PRKN: variants seen among roughly 807,000 people sequenced by gnomAD.
PRKN encodes parkin RBR E3 ubiquitin protein ligase, also known as E3 ubiquitin-protein ligase parkin.
In PRKN, 56 loss-of-function variants were observed where a neutral mutation model predicts 59.5. That is an observed-to-expected ratio of 0.94 (90% CI 0.76 to 1.18). The LOEUF (loss-of-function observed/expected upper bound fraction) is 1.18. Among genes scored for constraint, PRKN ranks in the 50% most tolerant of loss-of-function variants. PRKN has a pLI of 0.00. For synonymous variants in PRKN, 250 were observed against 222.1 expected, an observed-to-expected ratio of 1.13 and a Z score of -1.12; for missense variants, 657 against 596.4, an observed-to-expected ratio of 1.10 and a Z score of -1.06.
At chr6:161,577,002 A>G (rs1045633265) in intron 7 of PRKN, among the ~76,000 whole-genome samples, 1 of 152,252 alleles carries the variant, frequency 6.6e-6, no homozygotes, top group African/African-American at 2.4e-5. Context: ...TAATGCCTGC[A>G]AATGATAAAC....
At chr6:161,826,956 T>C (rs1336230883) in intron 6 of PRKN, among the ~76,000 whole-genome samples, 1 of 152,184 alleles carries the variant, frequency 6.6e-6, no homozygotes, top group African/African-American at 2.4e-5. Flanking sequence ...CTCAATAAGA[T>C]GACACAGCAC....
At position 161,518,196 on chromosome 6, in the gene PRKN, G is replaced by A. The variant is rs982441880; in HGVS notation, c.1083+30658C>T. On this transcript the variant is annotated intron_variant, in intron 9 of 11. Transcript: ENST00000366898. This position sits in a 1 kb window ranked among gnomAD's most constrained non-coding sequence, Gnocchi z 5.0. Reference sequence around the variant, plus strand: ...GACAGTGACTCCACACCATGGGGCCGGGGAGGTGGCAACATAGGTGCATGA... The same window carrying A: ...GACAGTGACTCCACACCATGGGGCCAGGGAGGTGGCAACATAGGTGCATGA... 1.3e-5 allele frequency among the ~76,000 whole-genome samples: 2 copies of A among 152,318 alleles called. No individual in the cohort carries two copies. Among genetic ancestry groups the A allele is most frequent in the East Asian group, 1.9e-4 (1 of 5,170 alleles).
At position 162,346,064 on chromosome 6, in the gene PRKN, T is replaced by C. The variant is rs543168181; in HGVS notation, c.172-83299A>G. 3.5e-4 allele frequency among the ~76,000 whole-genome samples: 53 copies of C among 152,246 alleles called. No individual in the cohort carries two copies. The South Asian group carries it at 7.7e-3, about 22-fold the overall frequency. On this transcript the variant is annotated intron_variant, in intron 2 of 11. Coordinates refer to ENST00000366898, the MANE Select transcript of PRKN (RefSeq NM_004562.3). ...GGAGAAAGGTCCTGACCAGATACCA[T>C]TGCCACGTTCTAGGACATTCCAGCC...
At chr6:161,523,381 T>C (rs1216156330) in intron 9 of PRKN, among the ~76,000 whole-genome samples, 5 of 152,216 alleles carry the variant, frequency 3.3e-5, no homozygotes, top group African/African-American at 1.2e-4. Flanking sequence ...GAATAAAATA[T>C]GTTCACATGT....
intron 2 of PRKN, among the ~76,000 whole-genome samples, chr6:162,397,601 G>A (rs149158329): frequency 9.2e-4 from 140 of 152,160 alleles, no homozygotes; most frequent in South Asian, 6.8e-3. Flanking sequence ...AAAGCTAAAC[G>A]CTCCAATCCA....
intron 1 of PRKN, among the ~76,000 whole-genome samples, chr6:162,684,346 T>C (rs949018558): frequency 6.6e-6 from 1 of 152,148 alleles, no homozygotes; most frequent in Non-Finnish European, 1.5e-5. Context: ...AAGATGTAAG[T>C]TGCACTTAAA....
rs1382685267 is a variant in PRKN at position 161,432,600 on chromosome 6, T to A, written c.1084-45723A>T. On this transcript the variant is annotated intron_variant, in intron 9 of 11. Coordinates refer to ENST00000366898, the MANE Select transcript of PRKN (RefSeq NM_004562.3). ...TTTCACCATGTTGGCCAGGCTGGTC[T>A]CTAACTCCTGACCTCCAGCAATCTG... Among the ~76,000 whole-genome samples, 3 of 150,500 alleles carry A rather than the reference T, an allele frequency of 2.0e-5. No homozygotes were observed. In the East Asian group the frequency reaches 5.8e-4, roughly 29 times the overall value.
At position 161,533,822 on chromosome 6, in the gene PRKN, G is replaced by A. The variant is rs34703849; in HGVS notation, c.1083+15032C>T. Among the ~76,000 whole-genome samples, 24,233 of 151,624 alleles carry A rather than the reference G, an allele frequency of 0.16. 2,343 individuals carry two copies. The highest frequency in any genetic ancestry group is 0.29 in the Middle Eastern group (84 of 294). Reference sequence around the variant, plus strand: ...ACGTGTCTGTGTACTTAATTTTCTTGGCGTGAGATAAGGAACCCTGGGGAT... The same window carrying A: ...ACGTGTCTGTGTACTTAATTTTCTTAGCGTGAGATAAGGAACCCTGGGGAT... On this transcript the variant is annotated intron_variant, in intron 9 of 11. Coordinates refer to ENST00000366898, the MANE Select transcript of PRKN (RefSeq NM_004562.3). This position sits in a 1 kb window ranked among gnomAD's most constrained non-coding sequence, Gnocchi z 4.1.
Position 162,719,843 on chromosome 6 carries a change from G to A in PRKN, c.7+7819C>T, listed in dbSNP as rs181190549. On this transcript the variant is annotated intron_variant, in intron 1 of 11. Coordinates refer to ENST00000366898, the MANE Select transcript of PRKN (RefSeq NM_004562.3). Reference sequence around the variant, plus strand: ...CCAGCTTCTGAGAAAATCAAGGAATGTGGGTAAGAAAAAAATGAGGGGACA... The same window carrying A: ...CCAGCTTCTGAGAAAATCAAGGAATATGGGTAAGAAAAAAATGAGGGGACA... Among the ~76,000 whole-genome samples the A allele has an allele frequency of 8.6e-5, 13 of 150,920 alleles. No individual in the cohort carries two copies. In the East Asian group the frequency reaches 2.3e-3, roughly 27 times the overall value.
In PRKN at chr6:161,581,655, T is replaced by G. The variant is rs945748205; in HGVS notation, c.872-12239A>C. Reference sequence around the variant, plus strand: ...AGTGAGCAAGAGACAGGAAATAGAATGGAAGAAATGAAGGAAAAATGGAAT... The same window carrying G: ...AGTGAGCAAGAGACAGGAAATAGAAGGGAAGAAATGAAGGAAAAATGGAAT... On this transcript the variant is annotated intron_variant, in intron 7 of 11. Transcript: ENST00000366898. The surrounding 1 kb of genome is among the most constrained non-coding windows in gnomAD (Gnocchi z 4.5). Among the ~76,000 whole-genome samples, 1 of 152,026 alleles carries G rather than the reference T, an allele frequency of 6.6e-6. No homozygotes were observed. Among genetic ancestry groups the G allele is most frequent in the Admixed American group, 6.6e-5 (1 of 15,258 alleles).
At chr6:162,152,121 G>A (rs1329622827) in intron 4 of PRKN, among the ~76,000 whole-genome samples, 1 of 152,210 alleles carries the variant, frequency 6.6e-6, no homozygotes, top group South Asian at 2.1e-4. Context: ...TGGAAAGAAA[G>A]GCTCTTCTCT....
chr6:162,380,987 C>G (rs1208207253), intron 2 of PRKN, among the ~76,000 whole-genome samples: 1 of 152,112 alleles, frequency 6.6e-6, no homozygotes, highest in Non-Finnish European at 1.5e-5. Flanking sequence ...TAAGGAAAAC[C>G]GCCATGGATT....
At chr6:161,432,438 C>A in intron 9 of PRKN, among the ~76,000 whole-genome samples, 1 of 147,272 alleles carries the variant, frequency 6.8e-6, no homozygotes, top group East Asian at 2.0e-4. Context: ...TCTTGGCTCA[C>A]TGCAACCTCT....
intron 1 of PRKN, among the ~76,000 whole-genome samples, chr6:162,620,029 C>G (rs1265420326): frequency 7.2e-6 from 1 of 138,952 alleles, no homozygotes; most frequent in Non-Finnish European, 1.5e-5. Context: ...ATTAGACATA[C>G]CAAAATATAT....
intron 7 of PRKN, among the ~76,000 whole-genome samples, chr6:161,598,171 T>C (rs1278958907): frequency 6.6e-6 from 1 of 152,160 alleles, no homozygotes; most frequent in Admixed American, 6.5e-5. Flanking sequence ...GATAAATTAG[T>C]TGTGTGGTCC....
chr6:162,508,494 A>G (rs1793702265), intron 1 of PRKN, among the ~76,000 whole-genome samples: 1 of 152,194 alleles, frequency 6.6e-6, no homozygotes, highest in East Asian at 1.9e-4. Flanking sequence ...TGGAACTTAG[A>G]GTCAATTTGT....
intron 7 of PRKN, among the ~76,000 whole-genome samples, chr6:161,757,871 C>CTCGCTCTCTCTCTCTCTGTG (rs1380898753): frequency 1.0e-5 from 1 of 97,984 alleles, no homozygotes; most frequent in East Asian, 3.0e-4. Context: ...CTCTCTCTCT[C>CTCGCTCTCTCTCTCTCTGTG]TGTGTATATA....
chr6:162,565,693 AATAAATAC>A (rs1366658331), intron 1 of PRKN, among the ~76,000 whole-genome samples: 9 of 131,620 alleles, frequency 6.8e-5, no homozygotes, highest in Admixed American at 2.4e-4. Context: ...TCAGTCTCAA[AATAAATAC>A]ATACATACAT....
chr6:162,065,989 G>A (rs1205701691), intron 4 of PRKN, among the ~76,000 whole-genome samples: 3 of 152,146 alleles, frequency 2.0e-5, no homozygotes. Flanking sequence ...ATTTGGGTTG[G>A]TTCCAAGTCT....
Sources: allele counts gnomAD v4.1 joint callset (sites outside exome capture counted in the v4.1 genomes callset), GRCh38; gene constraint gnomAD v4.1.1; non-coding constraint Gnocchi (gnomAD v3.1); transcripts MANE v1.5; gene names NCBI Gene and HGNC (gene_info 2026-07-23, HGNC 2026-07-21).